MPP2: variants seen among roughly 807,000 people sequenced by gnomAD.
MPP2 encodes MAGUK p55 scaffold protein 2, also known as MAGUK p55 subfamily member 2.
MPP2 carries 42 observed loss-of-function variants against 58.5 expected under a neutral mutation model. That is an observed-to-expected ratio of 0.72 (90% confidence interval 0.56 to 0.93). MPP2 has a LOEUF of 0.93. MPP2 is among the 40% of genes least tolerant of loss of function. The pLI is 0.00. For synonymous variants in MPP2, 300 were observed against 307.8 expected (o/e 0.97, Z 0.26); for missense variants, 632 against 760.4 (o/e 0.83, Z 1.99).
chr17:43,900,582 G>C (rs944584787), intron 2 of MPP2: 1 of 1,533,102 alleles, frequency 6.5e-7, no homozygotes, highest in Non-Finnish European at 8.8e-7. Context: ...GACTCCCGGA[G>C]CGTCCTACAC....
rs1355742162 is a variant in MPP2, at chr17:43,880,442, G to T, written c.1150+249C>A. Among the ~76,000 whole-genome samples the T allele has an allele frequency of 6.6e-6, 1 of 152,222 alleles. No homozygotes were observed. The highest frequency in any genetic ancestry group is 1.5e-5 in the Non-Finnish European group (1 of 68,042). ...TCACTTTCTTCATGGCTTTTAGCAA[G>T]TGAAACAAGAGAAGGAAAGTGGACG... On this transcript the variant is annotated intron_variant, in intron 10 of 12. Transcript: ENST00000269095. This position sits in a 1 kb window ranked among gnomAD's most constrained non-coding sequence, Gnocchi z 5.2.
chr17:43,884,904 G>C (rs1346200925), intron 3 of MPP2, among the ~76,000 whole-genome samples: 1 of 152,120 alleles, frequency 6.6e-6, no homozygotes, highest in African/African-American at 2.4e-5. Flanking sequence ...TGGATTACCT[G>C]AGGTCAGGAG....
chr17:43,899,657 T>C (rs1330183226), intron 2 of MPP2, among the ~76,000 whole-genome samples: 1 of 152,140 alleles, frequency 6.6e-6, no homozygotes, highest in Non-Finnish European at 1.5e-5. Flanking sequence ...AAACAGGCAC[T>C]GGAGGCCTTG....
chr17:43,900,447 C>A (rs1309281418), intron 2 of MPP2: 3 of 1,545,988 alleles, frequency 1.9e-6, no homozygotes, highest in African/African-American at 2.7e-5. Flanking sequence ...CTGCCCCGCC[C>A]CCATCTGGCC....
intron 3 of MPP2, among the ~76,000 whole-genome samples, chr17:43,889,595 A>G (rs2047514130): frequency 1.3e-5 from 2 of 151,844 alleles, no homozygotes; most frequent in Middle Eastern, 3.4e-3. Context: ...TCCAGACCTC[A>G]GGTGATCCGC....
At chr17:43,898,167 T>G in intron 3 of MPP2, 95 bp downstream of exon 3, 1 of 942,092 alleles carries the variant, frequency 1.1e-6, no homozygotes, top group Non-Finnish European at 1.7e-6. Context: ...GTGCCACATG[T>G]CCCATTCCCA....
At position 43,879,029 on chromosome 17, in the gene MPP2, G is replaced by C; in HGVS notation, c.1482+246C>G. Among the ~76,000 whole-genome samples, 1 of 152,196 alleles carries C rather than the reference G, an allele frequency of 6.6e-6. No homozygotes were observed. The highest frequency in any genetic ancestry group is 1.5e-5 in the Non-Finnish European group (1 of 68,034). On this transcript the variant is annotated intron_variant, in intron 12 of 12. Transcript: ENST00000269095. The surrounding 1 kb of genome is among the most constrained non-coding windows in gnomAD (Gnocchi z 4.1). ...CTCTGCAGAGTGGGCTGAGCCGGGG[G>C]CCTTGAGTCAGAAGCACATGTATCC... is the stretch of plus-strand genomic sequence containing the variant.
At chr17:43,908,115 G>A (rs1014906224), upstream of MPP2, among the ~76,000 whole-genome samples, 11 of 152,286 alleles carry the variant, frequency 7.2e-5, no homozygotes, top group African/African-American at 2.2e-4. Context: ...CCTCTTTTAG[G>A]TCTAGGTGAG....
chr17:43,905,363 T>G (rs1171124604), intron 1 of MPP2: 1 of 152,348 alleles, frequency 6.6e-6, no homozygotes, highest in East Asian at 1.9e-4. Context: ...CAGAGTGATA[T>G]CTACCTCTCC....
chr17:43,903,791 C>T (rs2048186987), intron 2 of MPP2, among the ~76,000 whole-genome samples: 1 of 152,224 alleles, frequency 6.6e-6, no homozygotes, highest in South Asian at 2.1e-4. Context: ...TTGCGTCTCA[C>T]AGCAGCCTCT....
chr17:43,888,823 A>G (rs973513500), intron 3 of MPP2, among the ~76,000 whole-genome samples: 6 of 152,130 alleles, frequency 3.9e-5, no homozygotes, highest in Non-Finnish European at 8.8e-5. Context: ...TTTTATACCC[A>G]CAGATATGAA....
chr17:43,908,785 G>A (rs1200681191), upstream of MPP2, among the ~76,000 whole-genome samples: 3 of 152,158 alleles, frequency 2.0e-5, no homozygotes, highest in East Asian at 5.8e-4. Context: ...AATCTATCCC[G>A]AAAGCAGGGG....
chr17:43,897,858 T>C (rs911039370), intron 3 of MPP2, among the ~76,000 whole-genome samples: 9 of 152,200 alleles, frequency 5.9e-5, no homozygotes, highest in Non-Finnish European at 8.8e-5. Flanking sequence ...CATTACCAAA[T>C]TGTCCTATAA....
At position 43,879,968 on chromosome 17, in the gene MPP2, C is replaced by T. The variant is rs371411201; in HGVS notation, c.1167G>A (p.Pro389=). Reference sequence around the variant, plus strand: ...CCTGACCTTCCCGCTCTGAGTCTTTCGGCCGCCGGGAGGTGTCTAGGGGGA... The same window carrying T: ...CCTGACCTTCCCGCTCTGAGTCTTTTGGCCGCCGGGAGGTGTCTAGGGGGA... The part of the protein sequence containing the change: ...GTTVPYTSRR[P]KDSEREGQGY... Residue 389 remains proline (P), a synonymous_variant, in exon 11 of 13, where the codon CCG becomes CCA. Transcript: ENST00000269095. This position sits in a 1 kb window ranked among gnomAD's most constrained non-coding sequence, Gnocchi z 4.1. 36 of 1,613,952 alleles carry T rather than the reference C, an allele frequency of 2.2e-5. No individual in the cohort carries two copies. Among genetic ancestry groups the T allele is most frequent in the Middle Eastern group, 1.6e-4 (1 of 6,084 alleles).
chr17:43,901,047 A>G (rs909943738), intron 2 of MPP2, among the ~76,000 whole-genome samples: 5 of 151,524 alleles, frequency 3.3e-5, no homozygotes, highest in African/African-American at 9.7e-5. Context: ...ATGCCCTCTG[A>G]CCTCTGCTCT....
Position 43,882,510 on chromosome 17 carries a change from C to A in MPP2, c.455G>T (p.Gly152Val). The change falls in exon 6 of 13, where the codon GGT becomes GTT. Residue 152 changes from glycine (G) to valine (V), a missense_variant and splice_region_variant. Transcript: ENST00000269095. ...GCCGCCCTCCACGCGGAACGTTACA[C>A]CCTGGAGGTCAGAGGGAGTGTAAGA... is the stretch of plus-strand genomic sequence containing the variant. ...GIRKTAGEHL[G>V]VTFRVEGGEL... The A allele has an allele frequency of 4.4e-6, 7 of 1,602,684 alleles. No individual in the cohort carries two copies. Among genetic ancestry groups the A allele is most frequent in the Non-Finnish European group, 5.9e-6 (7 of 1,179,678 alleles).
chr17:43,895,119 T>A (rs1047585579), intron 3 of MPP2, among the ~76,000 whole-genome samples: 1 of 150,978 alleles, frequency 6.6e-6, no homozygotes, highest in Non-Finnish European at 1.5e-5. Flanking sequence ...TTTATTTATT[T>A]ATTTTTTTTT....
intron 3 of MPP2, among the ~76,000 whole-genome samples, chr17:43,896,924 C>A (rs545734881): frequency 3.9e-5 from 6 of 152,114 alleles, no homozygotes; most frequent in Non-Finnish European, 5.9e-5. Context: ...CACCTCCCCC[C>A]CTCAGGAGAG....
Position 43,882,419 on chromosome 17 carries a change from A to G in MPP2, c.546T>C (p.Gly182=). ...MVAQQGLLHV[G]DIIKEVNGQP... is the part of the protein sequence containing the mutation. ...GCCCGTTCACCTCCTTGATGATGTC[A>G]CCCACATGCAGCAGGCCTTGTTGAG... The change falls in exon 6 of 13, where the codon GGT becomes GGC. Residue 182 remains glycine, a synonymous_variant. Transcript: ENST00000269095. 1 of 1,610,806 alleles carries G rather than the reference A, an allele frequency of 6.2e-7. No homozygotes were observed.
Sources: allele counts gnomAD v4.1 joint callset (sites outside exome capture counted in the v4.1 genomes callset), GRCh38; gene constraint gnomAD v4.1.1; non-coding constraint Gnocchi (gnomAD v3.1); transcripts MANE v1.5; gene names NCBI Gene and HGNC (gene_info 2026-07-23, HGNC 2026-07-21).